CCDC149: variants seen among roughly 807,000 people sequenced by gnomAD.
CCDC149 encodes coiled-coil domain containing 149.
A neutral mutation model predicts 59.9 loss-of-function variants in CCDC149; 45 were observed. That is an observed-to-expected ratio of 0.75 (90% CI 0.59 to 0.96). The LOEUF is 0.96. Among genes scored for constraint, CCDC149 ranks in the 40% least tolerant of loss-of-function variants. The probability of loss-of-function intolerance (pLI) is 0.00; values close to 1 mark genes in which losing one functional copy is unlikely to be tolerated. For synonymous variants in CCDC149, 245 were observed against 260.6 expected, an observed-to-expected ratio of 0.94 and a Z score of 0.58; for missense variants, 584 against 664.7, an observed-to-expected ratio of 0.88 and a Z score of 1.33.
intron 1 of CCDC149, among the ~76,000 whole-genome samples, chr4:24,953,751 T>G (rs538121971): frequency 6.6e-6 from 1 of 152,174 alleles, no homozygotes; most frequent in East Asian, 1.9e-4. Context: ...TTAAAACAAC[T>G]GCCTTAAAGA....
intron 1 of CCDC149, among the ~76,000 whole-genome samples, chr4:24,912,538 G>A (rs1469573672): frequency 1.3e-5 from 2 of 152,016 alleles, no homozygotes. Flanking sequence ...CGGATCCCAG[G>A]GCTTCAGCCT....
intron 1 of CCDC149, among the ~76,000 whole-genome samples, chr4:24,946,482 C>A (rs1419056968): frequency 6.6e-6 from 1 of 152,158 alleles, no homozygotes; most frequent in African/African-American, 2.4e-5. Flanking sequence ...ATTAAAATAT[C>A]TTGGTTTTTT....
chr4:24,845,537 C>T (rs1356351383), intron 4 of CCDC149, among the ~76,000 whole-genome samples: 1 of 152,256 alleles, frequency 6.6e-6, no homozygotes, highest in Non-Finnish European at 1.5e-5. Context: ...CGTAACTACA[C>T]AATACCGACT....
intron 10 of CCDC149, among the ~76,000 whole-genome samples, chr4:24,822,154 G>A (rs370337014): frequency 3.3e-5 from 5 of 151,814 alleles, no homozygotes; most frequent in African/African-American, 1.2e-4. Context: ...ATCTTTATAG[G>A]ATATCTACAG....
At chr4:24,959,493 G>GA (rs61289875) in intron 1 of CCDC149, among the ~76,000 whole-genome samples, 4,342 of 149,808 alleles carry the variant, frequency 0.029, 112 homozygotes, top group South Asian at 0.12. Context: ...AAGCAGCACA[G>GA]AAAAAAAAAA....
intron 1 of CCDC149, among the ~76,000 whole-genome samples, chr4:24,893,261 T>C (rs916268019): frequency 2.0e-5 from 3 of 152,158 alleles, no homozygotes; most frequent in African/African-American, 7.2e-5. Context: ...GGTGGCTAGG[T>C]CTCTAACAGA....
intron 1 of CCDC149, among the ~76,000 whole-genome samples, chr4:24,929,516 G>A (rs1722525233): frequency 6.6e-6 from 1 of 152,244 alleles, no homozygotes; most frequent in African/African-American, 2.4e-5. Flanking sequence ...ATAGGTGATT[G>A]AATAGCCTCT....
Position 24,839,401 on chromosome 4 carries a change from G to A in CCDC149, c.373-1129C>T, listed in dbSNP as rs183268183. Among the ~76,000 whole-genome samples the A allele has an allele frequency of 7.6e-3, 1,160 of 151,920 alleles. 9 individuals carry two copies. Among genetic ancestry groups the A allele is most frequent in the African/African-American group, 0.027 (1,099 of 41,434 alleles). On this transcript the variant is annotated intron_variant, in intron 4 of 12. Coordinates refer to ENST00000635206, the MANE Select transcript of CCDC149 (RefSeq NM_001330643.2). Reference sequence around the variant, plus strand: ...TCACCATGTTAGCCAGGATGGTCTCGATCTCCTGACCTTGTGATCCGCCTG... The same window carrying A: ...TCACCATGTTAGCCAGGATGGTCTCAATCTCCTGACCTTGTGATCCGCCTG...
Position 24,977,258 on chromosome 4 carries a change from T to C in CCDC149, c.-65+2811A>G, listed in dbSNP as rs140953874. On this transcript the variant is annotated intron_variant, in intron 1 of 12. Coordinates refer to the CCDC149 transcript ENST00000389609. Reference sequence around the variant, plus strand: ...CTGGAGCTTTGGGAAAGAGGTATTCTTTTTCCATCGAGGACTCCAAGCTGG... The same window carrying C: ...CTGGAGCTTTGGGAAAGAGGTATTCCTTTTCCATCGAGGACTCCAAGCTGG... Among the ~76,000 whole-genome samples, 494 of 152,190 alleles carry C rather than the reference T, an allele frequency of 3.2e-3. 2 individuals carry two copies. The highest frequency in any genetic ancestry group is 0.011 in the African/African-American group (469 of 41,520).
intron 3 of CCDC149, among the ~76,000 whole-genome samples, chr4:24,868,851 G>A (rs2109226811): frequency 6.6e-6 from 1 of 152,300 alleles, no homozygotes; most frequent in East Asian, 1.9e-4. Context: ...GAGGGTCAAA[G>A]CTCTGGCTCC....
chr4:24,905,403 T>TTGCG (rs747658690), intron 1 of CCDC149, among the ~76,000 whole-genome samples: 9 of 141,258 alleles, frequency 6.4e-5, no homozygotes, highest in East Asian at 4.2e-4. Context: ...TTCTTTCTTT[T>TTGCG]TGCGTGCGTG....
chr4:24,834,403 GA>G (rs1385984277), intron 8 of CCDC149, among the ~76,000 whole-genome samples: 2 of 152,008 alleles, frequency 1.3e-5, no homozygotes, highest in South Asian at 2.1e-4. Flanking sequence ...CAAGAAGGAG[GA>G]AAAAAATTGC....
rs1386926411 is a variant in CCDC149, at chr4:24,876,550, ACTT to A, written c.208_210del (p.Lys70del). 14 of 1,614,004 alleles carry A rather than the reference ACTT, an allele frequency of 8.7e-6. No individual in the cohort carries two copies. Among genetic ancestry groups the A allele is most frequent in the Non-Finnish European group, 1.2e-5 (14 of 1,179,898 alleles). The stretch of plus-strand genomic sequence containing the variant: ...CTAACACTTACAATCAGCTCTCGGT[ACTT>A]CTTCTTCAGTGACTGGTGGCGCTCC... On this transcript the variant is annotated inframe_deletion, in exon 2 of 13. Coordinates refer to ENST00000635206, the MANE Select transcript of CCDC149 (RefSeq NM_001330643.2).
At chr4:24,831,970 A>T (rs543251246) in intron 8 of CCDC149, among the ~76,000 whole-genome samples, 2 of 152,328 alleles carry the variant, frequency 1.3e-5, no homozygotes, top group South Asian at 4.1e-4. Flanking sequence ...TCTATGAAAT[A>T]TTGATTTTTT....
At chr4:24,816,150 C>T (rs374237033) in intron 12 of CCDC149, among the ~76,000 whole-genome samples, 15 of 152,140 alleles carry the variant, frequency 9.9e-5, no homozygotes, top group East Asian at 9.7e-4. Context: ...TGCAGTGCCG[C>T]GATCACAGCT....
chr4:24,886,171 T>G (rs545994866), intron 1 of CCDC149, among the ~76,000 whole-genome samples: 2 of 152,318 alleles, frequency 1.3e-5, no homozygotes, highest in South Asian at 4.1e-4. Context: ...GTAACTGACA[T>G]TCTAACAAAG....
intron 1 of CCDC149, among the ~76,000 whole-genome samples, chr4:24,955,653 T>C (rs577039636): frequency 8.2e-4 from 125 of 152,234 alleles, no homozygotes; most frequent in African/African-American, 2.9e-3. Context: ...TGATTCTACT[T>C]ATATGAGGTA....
chr4:24,896,177 C>G (rs1032134014), intron 1 of CCDC149, among the ~76,000 whole-genome samples: 1 of 152,154 alleles, frequency 6.6e-6, no homozygotes, highest in Non-Finnish European at 1.5e-5. Flanking sequence ...GAGCATTTCA[C>G]GAACACTCTG....
rs780147944 is a variant in CCDC149, at chr4:24,837,395, C to T, written c.495G>A (p.Glu165=). 2.5e-6 allele frequency: 4 copies of T among 1,613,988 alleles called. No individual in the cohort carries two copies. Among genetic ancestry groups the T allele is most frequent in the Non-Finnish European group, 3.4e-6 (4 of 1,179,982 alleles). ...AAGCCTGCAGGTCGTGCTCCAGAGA[C>T]TCAATCTAAAACCACAGGGAGAGCC... The change falls in exon 6 of 13, where the codon GAG becomes GAA. Residue 165 remains glutamate (E), a synonymous_variant. Transcript: ENST00000635206. The surrounding 1 kb of genome is among the most constrained non-coding windows in gnomAD (Gnocchi z 4.3).
Sources: allele counts gnomAD v4.1 joint callset (sites outside exome capture counted in the v4.1 genomes callset), GRCh38; gene constraint gnomAD v4.1.1; non-coding constraint Gnocchi (gnomAD v3.1); transcripts MANE v1.5; gene names NCBI Gene and HGNC (gene_info 2026-07-23, HGNC 2026-07-21).